The following WDR11 variants were observed in gnomAD, a reference collection of about 807,000 sequenced individuals.
The protein encoded by WDR11 is WD repeat-containing protein 11.
In WDR11, 83 loss-of-function variants were observed where a neutral mutation model predicts 151.2. The ratio of observed to expected loss-of-function variants is 0.55; its 90% CI spans 0.46 to 0.66. The LOEUF (loss-of-function observed/expected upper bound fraction) is 0.66, where lower values mean the gene tolerates loss of function less well. WDR11 is among the 30% of genes least tolerant of loss of function. The pLI, the probability that WDR11 is intolerant of heterozygous loss-of-function variation, is 0.00. For synonymous variants in WDR11, 484 were observed against 533.1 expected (o/e 0.91, Z 1.27); for missense variants, 1,301 against 1,480.9 (o/e 0.88, Z 1.99).
At chr10:120,857,738 A>G (rs1004210221) in intron 2 of WDR11, among the ~76,000 whole-genome samples, 1 of 152,212 alleles carries the variant, frequency 6.6e-6, no homozygotes, top group African/African-American at 2.4e-5. Flanking sequence ...ATAGGTATAT[A>G]CATTTATATG....
chr10:120,862,953 T>A, intron 5 of WDR11, 32 bp downstream of exon 5: 2 of 1,387,238 alleles, frequency 1.4e-6, no homozygotes, highest in Non-Finnish European at 2.1e-6. Context: ...AACATTCATC[T>A]ACTTATCTGG....
chr10:120,909,095 A>ATGTT lies in WDR11; in HGVS notation c.*384_*387dup, dbSNP rs1162831394. 3.7e-6 allele frequency: 1 copy of ATGTT among 268,488 alleles called. No individual in the cohort carries two copies. The highest frequency in any genetic ancestry group is 7.3e-6 in the Non-Finnish European group (1 of 137,754). The allele number at this position is 268,488 out of a possible 1,614,324, so 16.6% of individuals were successfully genotyped here. A position where few individuals can be genotyped will look rare whatever the true frequency, so the allele number is the denominator to read the frequency against. ...ACCTATAGTAAATGAAATTTGTGAG[A>ATGTT]TGTTTTCTCAAATATATGCTGTGCC... is the stretch of plus-strand genomic sequence containing the variant. On this transcript the variant is annotated 3_prime_UTR_variant, in exon 29 of 29. Transcript: ENST00000263461.
At chr10:120,867,792 T>C (rs1846367015) in intron 9 of WDR11, among the ~76,000 whole-genome samples, 1 of 152,240 alleles carries the variant, frequency 6.6e-6, no homozygotes, top group Non-Finnish European at 1.5e-5. Flanking sequence ...AAATATTTAC[T>C]GAAGGAATAA....
intron 12 of WDR11, 26 bp from the exon 13 acceptor site, chr10:120,880,800 A>T (rs1223422324): frequency 1.9e-6 from 3 of 1,579,394 alleles, no homozygotes; most frequent in Non-Finnish European, 2.6e-6. Context: ...CACTGTTCTC[A>T]CTTTTTTAAA....
In WDR11 at chr10:120,880,873, A is replaced by G. The variant is rs1264216953; in HGVS notation, c.1711A>G (p.Ile571Val). 1.9e-6 allele frequency: 3 copies of G among 1,603,512 alleles called. No homozygotes were observed. The highest frequency in any genetic ancestry group is 1.7e-6 in the Non-Finnish European group (2 of 1,173,324). Residue 571 changes from isoleucine to valine, a missense_variant, in exon 13 of 29, where the codon ATC (isoleucine) becomes GTC (valine). By Grantham distance (29) the Ile-to-Val change is conservative (BLOSUM62 3). This residue lies in a region of WDR11 where 692 missense variants were observed against 762.5 expected (regional missense o/e 0.91). Transcript: ENST00000263461. ...RGERGNDESA[I>V]EMIKVSHLKQ... is the part of the protein sequence containing the mutation. The stretch of plus-strand genomic sequence containing the variant: ...TGAAAGAGGCAATGATGAATCTGCC[A>G]TCGAAATGATTAAAGTATCTCATTT...
intron 4 of WDR11, among the ~76,000 whole-genome samples, chr10:120,861,952 G>A (rs990335896): frequency 1.3e-5 from 2 of 152,016 alleles, no homozygotes; most frequent in African/African-American, 4.8e-5. Context: ...CTTAAGGTTC[G>A]ATCTGATGCT....
chr10:120,903,618 A>G (rs1847923553), intron 23 of WDR11, among the ~76,000 whole-genome samples: 1 of 152,046 alleles, frequency 6.6e-6, no homozygotes, highest in Non-Finnish European at 1.5e-5. Context: ...GTTGTTTACT[A>G]AACATTAAAA....
rs71484646 is a variant in WDR11, at chr10:120,906,456, A to G, written c.3438-320A>G. 5,161 of 1,262,306 alleles carry G rather than the reference A, an allele frequency of 4.1e-3. 18 individuals carry two copies. The highest frequency in any genetic ancestry group is 4.9e-3 in the Non-Finnish European group (4,904 of 995,028). The allele number at this position is 1,262,306 out of a possible 1,614,324, so 78.2% of individuals were successfully genotyped here. A position where few individuals can be genotyped will look rare whatever the true frequency, so the allele number is the denominator to read the frequency against. ...TCATTTATTCAAAACTAAGGGAGGT[A>G]GATTACGGAAATATGACAAAAGATT... On this transcript the variant is annotated intron_variant, in intron 27 of 28. Coordinates refer to ENST00000263461, the MANE Select transcript of WDR11 (RefSeq NM_018117.12).
chr10:120,889,825 G>A, intron 17 of WDR11, 70 bp from the exon 18 acceptor site: 2 of 1,046,868 alleles, frequency 1.9e-6, no homozygotes, highest in Middle Eastern at 4.0e-4. Context: ...AGTGAGAGAT[G>A]TTAGACATAG....
chr10:120,874,073 T>C (rs1213793245), intron 11 of WDR11, 150 bp downstream of exon 11: 1 of 637,970 alleles, frequency 1.6e-6, no homozygotes, highest in Non-Finnish European at 2.8e-6. Context: ...ATGGCTATGT[T>C]AATCAAGGAT....
chr10:120,904,910 A>G (rs182677373), intron 25 of WDR11, 99 bp downstream of exon 25: 678 of 1,401,288 alleles, frequency 4.8e-4, no homozygotes, highest in Non-Finnish European at 6.3e-4. Context: ...TCTTTTACAT[A>G]TGCTGAAGAA....
At position 120,906,854 on chromosome 10, in the gene WDR11, A is replaced by G; in HGVS notation, c.3516A>G (p.Thr1172=). 6.2e-7 allele frequency: 1 copy of G among 1,614,196 alleles called. No homozygotes were observed. The highest frequency in any genetic ancestry group is 8.5e-7 in the Non-Finnish European group (1 of 1,180,014). Residue 1172 remains threonine (T), a splice_region_variant and synonymous_variant, in exon 28 of 29, where the codon ACA becomes ACG. Coordinates refer to ENST00000263461, the MANE Select transcript of WDR11 (RefSeq NM_018117.12). ...KYGAFEVTED[T]EKLITAIYAD... The stretch of plus-strand genomic sequence containing the variant: ...GAGCATTTGAAGTCACTGAGGACAC[A>G]GATATCCTTTGCAAGGTTGTTTGTA...
rs1290513383 is a variant in WDR11 at position 120,852,590 on chromosome 10, C to T, written c.153C>T (p.Ala51=). The change falls in exon 2 of 29, where the codon GCC becomes GCT. Residue 51 remains alanine (A), a synonymous_variant. Transcript: ENST00000263461. The part of the protein sequence containing the change: ...SLVVVIDSIT[A]QTLQVLEKHK... ...TGGTAGTGATTGATTCCATTACTGC[C>T]CAAACTCTTCAAGTTTTAGAAAAGC... 1 of 1,613,934 alleles carries T rather than the reference C, an allele frequency of 6.2e-7. No individual in the cohort carries two copies. Among genetic ancestry groups the T allele is most frequent in the Non-Finnish European group, 8.5e-7 (1 of 1,179,966 alleles).
intron 23 of WDR11, among the ~76,000 whole-genome samples, chr10:120,903,808 C>G (rs912958160): frequency 6.6e-6 from 1 of 152,068 alleles, no homozygotes; most frequent in Non-Finnish European, 1.5e-5. Flanking sequence ...GTTTTTCATC[C>G]GGCTCTACTT....
intron 4 of WDR11, among the ~76,000 whole-genome samples, chr10:120,861,674 T>C (rs1846145214): frequency 6.6e-6 from 1 of 152,232 alleles, no homozygotes; most frequent in African/African-American, 2.4e-5. Flanking sequence ...AGGGTTGTCA[T>C]AACTCTTGAA....
intron 20 of WDR11, among the ~76,000 whole-genome samples, 154 bp downstream of exon 20, chr10:120,900,291 C>T (rs1464267708): frequency 6.6e-6 from 1 of 152,118 alleles, no homozygotes; most frequent in African/African-American, 2.4e-5. Context: ...CAGGCTGCCT[C>T]TGGGTTCTCG....
intron 21 of WDR11, among the ~76,000 whole-genome samples, chr10:120,901,831 C>T (rs1866517): frequency 0.37 from 56,643 of 152,086 alleles, 10,645 homozygotes; most frequent in Admixed American, 0.44. Context: ...GAAATACGAA[C>T]TTATAAAAGC....
Position 120,883,795 on chromosome 10 carries a change from C to T in WDR11, c.1755C>T (p.Val585=), listed in dbSNP as rs748143032. Residue 585 remains valine, a synonymous_variant, in exon 14 of 29, where the codon GTC becomes GTT. Coordinates refer to ENST00000263461, the MANE Select transcript of WDR11 (RefSeq NM_018117.12). ...TTTATTTTAGGCAGTATTTGGCAGT[C>T]GTATTCAGAGATAAACCCCTGGAGC... ...KVSHLKQYLA[V]VFRDKPLELW... is the part of the protein sequence containing the mutation. 4 of 1,613,334 alleles carry T rather than the reference C, an allele frequency of 2.5e-6. No homozygotes were observed. The highest frequency in any genetic ancestry group is 3.4e-6 in the Non-Finnish European group (4 of 1,179,512).
chr10:120,871,592 A>T (rs560484505), intron 10 of WDR11, among the ~76,000 whole-genome samples: 17 of 152,206 alleles, frequency 1.1e-4, no homozygotes, highest in African/African-American at 4.1e-4. Context: ...CGAGTCTCTG[A>T]CGCTGTCCAT....
Sources: allele counts gnomAD v4.1 joint callset (sites outside exome capture counted in the v4.1 genomes callset), GRCh38; gene constraint gnomAD v4.1.1; regional missense constraint gnomAD v4.1.1; transcripts MANE v1.5; gene names NCBI Gene and HGNC (gene_info 2026-07-23, HGNC 2026-07-21).